The following LMBRD1 variants were observed in gnomAD, a reference collection of about 807,000 sequenced individuals.
LMBRD1 encodes the protein lysosomal cobalamin transport escort protein LMBD1.
In LMBRD1, 64 loss-of-function variants were observed where a neutral mutation model predicts 74.8. That is an observed-to-expected ratio of 0.86 (90% CI 0.70 to 1.05). The LOEUF is 1.05. LMBRD1 is among the 50% of genes least tolerant of loss of function. The pLI is 0.00. For missense variants in LMBRD1, 652 were observed against 645.9 expected, an observed-to-expected ratio of 1.01 and a Z score of -0.10; for synonymous variants, 204 against 216.3, an observed-to-expected ratio of 0.94 and a Z score of 0.50.
chr6:69,747,555 C>T (rs1373607196), intron 5 of LMBRD1, among the ~76,000 whole-genome samples: 1 of 152,224 alleles, frequency 6.6e-6, no homozygotes, highest in African/African-American at 2.4e-5. Flanking sequence ...TCAAATATTA[C>T]TTCCTCTTAG....
At chr6:69,707,743 GTATGT>G (rs1343582958) in intron 9 of LMBRD1, among the ~76,000 whole-genome samples, 8 of 152,038 alleles carry the variant, frequency 5.3e-5, no homozygotes, top group African/African-American at 1.9e-4. Flanking sequence ...ATAATTTTGT[GTATGT>G]TATATTTCCT....
rs373257303 is a variant in LMBRD1, at chr6:69,749,414, T to G, written c.406-6A>C. 1.6e-5 allele frequency: 25 copies of G among 1,610,530 alleles called. No homozygotes were observed. The African/African-American group carries it at 2.4e-4, about 15-fold the overall frequency. Reference sequence around the variant, plus strand: ...TTGAGTGCCGTTTTAATTTGCTAGATGCCAAGGAGAAAAAAGTATAACATT... The same window carrying G: ...TTGAGTGCCGTTTTAATTTGCTAGAGGCCAAGGAGAAAAAAGTATAACATT... On this transcript the variant is annotated splice_polypyrimidine_tract_variant and splice_region_variant and intron_variant, in intron 4 of 15. Transcript: ENST00000649934.
At chr6:69,735,784 G>C (rs529810132) in intron 7 of LMBRD1, among the ~76,000 whole-genome samples, 1 of 152,052 alleles carries the variant, frequency 6.6e-6, no homozygotes, top group Non-Finnish European at 1.5e-5. Context: ...ACTTCCAGGG[G>C]CTTCAAAACT....
At chr6:69,731,147 G>A (rs1002973723) in intron 7 of LMBRD1, among the ~76,000 whole-genome samples, 7 of 152,060 alleles carry the variant, frequency 4.6e-5, no homozygotes, top group African/African-American at 1.7e-4. Context: ...AAAGAGTAGA[G>A]GCCGTTAAGG....
At chr6:69,743,845 T>A (rs1767159991) in intron 5 of LMBRD1, among the ~76,000 whole-genome samples, 1 of 152,056 alleles carries the variant, frequency 6.6e-6, no homozygotes, top group African/African-American at 2.4e-5. Context: ...GGAGCTGAGG[T>A]AGGGGAAGAA....
At chr6:69,792,043 T>A (rs1434075887) in intron 1 of LMBRD1, among the ~76,000 whole-genome samples, 3 of 152,210 alleles carry the variant, frequency 2.0e-5, no homozygotes, top group African/African-American at 7.2e-5. Context: ...ATATTTGATG[T>A]AAAAATGGGT....
intron 7 of LMBRD1, among the ~76,000 whole-genome samples, chr6:69,720,246 G>A (rs1029099231): frequency 1.3e-5 from 2 of 151,968 alleles, no homozygotes; most frequent in Admixed American, 6.6e-5. Context: ...GTTCTATCAT[G>A]TAATATCAAC....
chr6:69,756,625 T>G (rs532266828), intron 3 of LMBRD1, among the ~76,000 whole-genome samples: 1 of 152,292 alleles, frequency 6.6e-6, no homozygotes, highest in Admixed American at 6.5e-5. Context: ...CCCAACAATT[T>G]TCTTCCTCTA....
At chr6:69,730,220 C>A (rs567935220) in intron 7 of LMBRD1, among the ~76,000 whole-genome samples, 6 of 152,090 alleles carry the variant, frequency 3.9e-5, no homozygotes, top group African/African-American at 1.4e-4. Context: ...CTTCTTTTAC[C>A]GCTCAGTTTA....
chr6:69,693,761 C>A (rs1438007883), intron 14 of LMBRD1, among the ~76,000 whole-genome samples: 1 of 151,796 alleles, frequency 6.6e-6, no homozygotes, highest in Non-Finnish European at 1.5e-5. Flanking sequence ...GGCATCCCTA[C>A]CCTTATGTGT....
At chr6:69,786,175 C>G (rs1352298936) in intron 2 of LMBRD1, among the ~76,000 whole-genome samples, 1 of 152,118 alleles carries the variant, frequency 6.6e-6, no homozygotes, top group Non-Finnish European at 1.5e-5. Flanking sequence ...TCTCCAGTAC[C>G]TACAATTGTC....
At chr6:69,761,118 CA>C (rs1765363475) in intron 3 of LMBRD1, among the ~76,000 whole-genome samples, 1 of 152,188 alleles carries the variant, frequency 6.6e-6, no homozygotes, top group Non-Finnish European at 1.5e-5. Context: ...ATAACTAGTA[CA>C]ACTGCTGACA....
intron 14 of LMBRD1, among the ~76,000 whole-genome samples, chr6:69,692,374 T>C (rs927765044): frequency 2.0e-5 from 3 of 152,166 alleles, no homozygotes; most frequent in Admixed American, 1.3e-4. Flanking sequence ...ATAGAGATCA[T>C]TCCATTTCTA....
Position 69,786,252 on chromosome 6 carries a change from A to C in LMBRD1, c.246+4044T>G, listed in dbSNP as rs150249363. 1.2e-4 allele frequency among the ~76,000 whole-genome samples: 18 copies of C among 152,334 alleles called. No individual in the cohort carries two copies. The East Asian group carries it at 3.5e-3, about 29-fold the overall frequency. ...ATATTTAAGGTTCAATAAAGAGCAC[A>C]AAGTTCTAAGATACAGTTCCCACCA... On this transcript the variant is annotated intron_variant, in intron 2 of 15. Transcript: ENST00000649934.
intron 12 of LMBRD1, among the ~76,000 whole-genome samples, chr6:69,700,425 T>C (rs890944483): frequency 5.9e-5 from 9 of 151,854 alleles, no homozygotes; most frequent in Admixed American, 2.0e-4. Context: ...CATGGAACTA[T>C]TGACATTTTA....
At chr6:69,734,556 C>G (rs115827062) in intron 7 of LMBRD1, among the ~76,000 whole-genome samples, 5,104 of 152,080 alleles carry the variant, frequency 0.034, 297 homozygotes, top group African/African-American at 0.12. Flanking sequence ...CCACTAAGCC[C>G]GGCTAATTTT....
chr6:69,678,538 G>A (rs752694352), intron 14 of LMBRD1, among the ~76,000 whole-genome samples: 45 of 152,244 alleles, frequency 3.0e-4, no homozygotes, highest in Middle Eastern at 3.4e-3. Flanking sequence ...GCATCTAATA[G>A]AGGATACTAA....
chr6:69,697,494 T>C, intron 14 of LMBRD1, 69 bp downstream of exon 14: 1 of 1,084,198 alleles, frequency 9.2e-7, no homozygotes, highest in East Asian at 2.4e-5. Flanking sequence ...CATCAAATGA[T>C]TAACACAGCA....
At chr6:69,790,556 A>C (rs1173031772) in intron 1 of LMBRD1, 84 bp from the exon 2 acceptor site, 5 of 1,386,070 alleles carry the variant, frequency 3.6e-6, no homozygotes, top group Non-Finnish European at 2.0e-6. Flanking sequence ...TTCTAGCAGG[A>C]AACCTTATGT....
Sources: allele counts gnomAD v4.1 joint callset (sites outside exome capture counted in the v4.1 genomes callset), GRCh38; gene constraint gnomAD v4.1.1; transcripts MANE v1.5; gene names NCBI Gene and HGNC (gene_info 2026-07-23, HGNC 2026-07-21).